The following APAF1 variants were observed in gnomAD, a reference collection of about 807,000 sequenced individuals.
The protein encoded by APAF1 is apoptotic protease-activating factor 1.
In APAF1, 91 loss-of-function variants were observed where a neutral mutation model predicts 152.4. The ratio of observed to expected loss-of-function variants is 0.60; its 90% CI spans 0.50 to 0.71. APAF1 has a LOEUF of 0.71. Ranked by LOEUF, APAF1 falls within the 30% of genes least tolerant of loss-of-function variation. The pLI is 0.00. For synonymous variants in APAF1, 484 were observed against 494.1 expected (o/e 0.98, Z 0.27); for missense variants, 1,283 against 1,472.0 (o/e 0.87, Z 2.10).
chr12:98,670,028 G>A (rs560200263), intron 10 of APAF1, among the ~76,000 whole-genome samples: 10 of 151,944 alleles, frequency 6.6e-5, no homozygotes, highest in South Asian at 2.1e-4. Context: ...CACTGCAACC[G>A]CCACTTCCTG....
intron 26 of APAF1, among the ~76,000 whole-genome samples, chr12:98,728,913 C>T (rs1352872214): frequency 1.3e-5 from 2 of 152,064 alleles, no homozygotes; most frequent in African/African-American, 4.8e-5. Context: ...TTTGATGTAT[C>T]TTTTATCTAT....
At chr12:98,666,150 G>C (rs940608726) in intron 8 of APAF1, 40 bp from the exon 9 acceptor site, 3 of 1,587,416 alleles carry the variant, frequency 1.9e-6, no homozygotes, top group Non-Finnish European at 2.6e-6. Flanking sequence ...CCTGGTCATT[G>C]TACTTTTGTG....
rs372221659 is a variant in APAF1 at position 98,675,530 on chromosome 12, A to T, written c.1794-1895A>T. 2.8e-4 allele frequency among the ~76,000 whole-genome samples: 43 copies of T among 152,334 alleles called. 1 individual carries two copies. The South Asian group carries it at 7.2e-3, about 26-fold the overall frequency. ...AATATTAGAAAAGAAGTAGATGGTT[A>T]TGTTTGTATTGAACATGTACAGACT... On this transcript the variant is annotated intron_variant, in intron 12 of 26. Coordinates refer to ENST00000551964, the MANE Select transcript of APAF1 (RefSeq NM_181861.2).
At position 98,667,673 on chromosome 12, in the gene APAF1, A is replaced by G. The variant is rs1441844155; in HGVS notation, c.1494+29A>G. ...AGATGACCCATTTAAAAATTCTTTT[A>G]TCTGACTTCCCTTTTTCCATATGTA... On this transcript the variant is annotated intron_variant, in intron 10 of 26. Coordinates refer to ENST00000551964, the MANE Select transcript of APAF1 (RefSeq NM_181861.2). 4 of 1,607,668 alleles carry G rather than the reference A, an allele frequency of 2.5e-6. No homozygotes were observed. The African/African-American group carries it at 4.0e-5, about 16-fold the overall frequency.
In APAF1 at chr12:98,686,794, A is replaced by G; in HGVS notation, c.2225A>G (p.His742Arg). 1 of 1,613,930 alleles carries G rather than the reference A, an allele frequency of 6.2e-7. No homozygotes were observed. The highest frequency in any genetic ancestry group is 8.5e-7 in the Non-Finnish European group (1 of 1,179,900). ...GAATGTCGAAATACCATGTTTGGTC[A>G]TACAAATTCAGTCAATCACTGCAGA... ...QKECRNTMFG[H>R]TNSVNHCRFS... is the part of the protein sequence containing the mutation. Residue 742 changes from histidine (H) to arginine (R), a missense_variant, in exon 16 of 27, where the codon CAT (histidine) becomes CGT (arginine). Physicochemically the swap from His to Arg is conservative, Grantham distance 29. Coordinates refer to ENST00000551964, the MANE Select transcript of APAF1 (RefSeq NM_181861.2).
At position 98,648,728 on chromosome 12, in the gene APAF1, A is replaced by G. The variant is rs756164693; in HGVS notation, c.241A>G (p.Lys81Glu). The G allele has an allele frequency of 1.2e-6, 2 of 1,613,980 alleles. No homozygotes were observed. Among genetic ancestry groups the G allele is most frequent in the South Asian group, 1.1e-5 (1 of 91,076 alleles). ...FYNALLHEGY[K>E]DLAALLHDGI... ...CAATGCTCTACTACATGAAGGATAT[A>G]AAGATCTTGCTGCCCTTCTCCATGA... Residue 81 changes from lysine to glutamate, a missense_variant, in exon 3 of 27, where the codon AAA becomes GAA. By Grantham distance (56) the Lys-to-Glu change is moderately conservative. Coordinates refer to ENST00000551964, the MANE Select transcript of APAF1 (RefSeq NM_181861.2).
At chr12:98,668,729 G>T (rs985703978) in intron 10 of APAF1, among the ~76,000 whole-genome samples, 3 of 152,178 alleles carry the variant, frequency 2.0e-5, no homozygotes, top group East Asian at 1.9e-4. Context: ...TGAAACAGGG[G>T]TCTTTGGGAG....
Position 98,648,803 on chromosome 12 carries a change from A to G in APAF1, c.316A>G (p.Ile106Val). The G allele has an allele frequency of 6.2e-7, 1 of 1,613,778 alleles. No individual in the cohort carries two copies. Residue 106 changes from isoleucine to valine, a missense_variant, in exon 3 of 27, where the codon ATA becomes GTA. By Grantham distance (29) the Ile-to-Val change is conservative (BLOSUM62 3). Coordinates refer to ENST00000551964, the MANE Select transcript of APAF1 (RefSeq NM_181861.2). ...SSSGKDSVSG[I>V]TSYVRTVLCE... ...CAGTGGTAAAGATTCAGTTAGTGGA[A>G]TAACTTCGTATGGTTTGTATCCATT...
chr12:98,686,627 A>G, intron 15 of APAF1, 121 bp from the exon 16 acceptor site: 2 of 997,630 alleles, frequency 2.0e-6, no homozygotes, highest in Non-Finnish European at 2.9e-6. Flanking sequence ...GTTACTGTGA[A>G]TTAAACATCA....
At chr12:98,716,874 AT>A (rs906045668) in intron 22 of APAF1, among the ~76,000 whole-genome samples, 3 of 148,366 alleles carry the variant, frequency 2.0e-5, no homozygotes, top group South Asian at 2.1e-4. Context: ...TTTTTTCTTT[AT>A]TTTTTTTTGA....
rs542775405 is a variant in APAF1 at position 98,699,864 on chromosome 12, T to G, written c.2466+295T>G. ...GCCCCAGGAAGTCCTCTTACACAATTTATGCCATCGAATCCAGTGTTCCTC... is the reference window on the plus strand; with the variant it reads ...GCCCCAGGAAGTCCTCTTACACAATGTATGCCATCGAATCCAGTGTTCCTC... On this transcript the variant is annotated intron_variant, in intron 17 of 26. Transcript: ENST00000551964. 7.9e-5 allele frequency among the ~76,000 whole-genome samples: 12 copies of G among 152,326 alleles called. No individual in the cohort carries two copies. In the South Asian group the frequency reaches 2.1e-3, roughly 26 times the overall value.
chr12:98,696,650 G>T (rs1240505750), intron 16 of APAF1, among the ~76,000 whole-genome samples: 1 of 152,078 alleles, frequency 6.6e-6, no homozygotes, highest in African/African-American at 2.4e-5. Context: ...AAACTTGGGA[G>T]TGATCTTTTT....
At chr12:98,655,700 A>G (rs2153310420) in intron 4 of APAF1, among the ~76,000 whole-genome samples, 1 of 151,858 alleles carries the variant, frequency 6.6e-6, no homozygotes, top group East Asian at 1.9e-4. Flanking sequence ...TGCAGCCTCA[A>G]CTTTCCAGGC....
intron 16 of APAF1, among the ~76,000 whole-genome samples, chr12:98,694,452 T>A (rs1266309037): frequency 6.6e-6 from 1 of 151,878 alleles, no homozygotes; most frequent in Non-Finnish European, 1.5e-5. Flanking sequence ...TGGATTAAAA[T>A]TTTTTTTCCT....
chr12:98,671,028 T>C lies in APAF1; in HGVS notation c.1550T>C (p.Val517Ala). The C allele has an allele frequency of 6.2e-7, 1 of 1,613,022 alleles. No homozygotes were observed. The highest frequency in any genetic ancestry group is 8.5e-7 in the Non-Finnish European group (1 of 1,179,516). ...LDWIKAKTEL[V>A]GPAHLIHEFV... ...TGGATTAAAGCAAAAACAGAACTTGTAGGCCCTGCTCATCTGATTCATGAA... is the reference window on the plus strand; with the variant it reads ...TGGATTAAAGCAAAAACAGAACTTGCAGGCCCTGCTCATCTGATTCATGAA... The change falls in exon 11 of 27, where the codon GTA (valine) becomes GCA (alanine). Residue 517 changes from valine to alanine, a missense_variant. Physicochemically the swap from Val to Ala is moderately conservative, Grantham distance 64. Transcript: ENST00000551964.
Position 98,715,453 on chromosome 12 carries a change from C to A in APAF1, c.2985C>A (p.Ile995=). The A allele has an allele frequency of 1.2e-6, 2 of 1,613,332 alleles. No individual in the cohort carries two copies. Among genetic ancestry groups the A allele is most frequent in the Non-Finnish European group, 1.7e-6 (2 of 1,179,678 alleles). ...TTTTAGAACTTGTAAACAATAGAAT[C>A]TTCCAGTCCAGGTTTCAGCACAAGA... ...IEILELVNNR[I]FQSRFQHKKT... The change falls in exon 22 of 27, where the codon ATC becomes ATA. Residue 995 remains isoleucine, a synonymous_variant. Transcript: ENST00000551964.
At chr12:98,681,705 T>C (rs916258547) in intron 14 of APAF1, among the ~76,000 whole-genome samples, 4 of 152,104 alleles carry the variant, frequency 2.6e-5, no homozygotes, top group African/African-American at 9.7e-5. Context: ...ATTCACTCTG[T>C]AGTGTCTACT....
At chr12:98,673,573 T>C (rs1369600072) in intron 12 of APAF1, among the ~76,000 whole-genome samples, 2 of 152,224 alleles carry the variant, frequency 1.3e-5, no homozygotes, top group Non-Finnish European at 2.9e-5. Context: ...ATGTATAATT[T>C]ATATCTAAAT....
intron 18 of APAF1, among the ~76,000 whole-genome samples, chr12:98,704,251 T>C (rs1453813025): frequency 6.6e-6 from 1 of 152,150 alleles, no homozygotes; most frequent in Non-Finnish European, 1.5e-5. Context: ...TACAGGTGTA[T>C]CACCTTGCCT....
Sources: gnomAD v4.1 joint callset for allele counts (sites outside exome capture counted in the v4.1 genomes callset) on GRCh38, gnomAD v4.1.1 for gene constraint, MANE v1.5 for transcripts, NCBI Gene and HGNC (gene_info 2026-07-23, HGNC 2026-07-21) for gene names.